The following HACD2 variants were observed in gnomAD, a reference collection of about 807,000 sequenced individuals.
The protein encoded by HACD2 is 3-hydroxyacyl-CoA dehydratase 2.
Under a neutral mutation model 31.0 loss-of-function variants are expected in HACD2, and 15 were observed. The observed-to-expected ratio is 0.48, with a 90% confidence interval of 0.32 to 0.75. The LOEUF (loss-of-function observed/expected upper bound fraction) is 0.75. HACD2 is among the 30% of genes least tolerant of loss of function. HACD2 has a pLI of 0.03. For synonymous variants in HACD2, 115 were observed against 122.2 expected (o/e 0.94, Z 0.39); for missense variants, 283 against 313.0 (o/e 0.90, Z 0.72).
At chr3:123,533,426 G>A (rs954793924) in intron 3 of HACD2, among the ~76,000 whole-genome samples, 47 of 152,372 alleles carry the variant, frequency 3.1e-4, no homozygotes, top group African/African-American at 9.9e-4. Flanking sequence ...TGGGATTACA[G>A]GCATGTGCCT....
At chr3:123,506,992 T>C (rs2055984382) in intron 4 of HACD2, among the ~76,000 whole-genome samples, 1 of 152,202 alleles carries the variant, frequency 6.6e-6, no homozygotes, top group Admixed American at 6.5e-5. Context: ...ACTGAGTGGC[T>C]CTTGCCTATA....
intron 3 of HACD2, among the ~76,000 whole-genome samples, chr3:123,564,869 G>C (rs1051349584): frequency 2.6e-5 from 4 of 152,132 alleles, no homozygotes; most frequent in African/African-American, 4.8e-5. Flanking sequence ...GATATAAGAA[G>C]GATCCTGCCG....
At chr3:123,503,220 G>A (rs907218350) in intron 4 of HACD2, among the ~76,000 whole-genome samples, 2 of 150,972 alleles carry the variant, frequency 1.3e-5, no homozygotes, top group Non-Finnish European at 2.9e-5. Flanking sequence ...AGCCGAGATA[G>A]CGCCACTGCA....
chr3:123,579,868 T>G (rs970369876), intron 2 of HACD2, among the ~76,000 whole-genome samples: 3 of 152,190 alleles, frequency 2.0e-5, no homozygotes, highest in Non-Finnish European at 4.4e-5. Flanking sequence ...TTGTTAAAAT[T>G]TCCTCACACT....
chr3:123,523,075 C>T (rs1356943000), intron 4 of HACD2, among the ~76,000 whole-genome samples: 3 of 152,138 alleles, frequency 2.0e-5, no homozygotes, highest in African/African-American at 7.2e-5. Context: ...AGAAGGCGTG[C>T]GGCCACAGGA....
chr3:123,553,773 G>C (rs985503892), intron 3 of HACD2, among the ~76,000 whole-genome samples: 5 of 152,076 alleles, frequency 3.3e-5, no homozygotes, highest in African/African-American at 1.2e-4. Context: ...GGGTGTTCTG[G>C]CTATTGTTTT....
At position 123,502,715 on chromosome 3, in the gene HACD2, C is replaced by A. The variant is rs370929290; in HGVS notation, c.382-34G>T. The A allele has an allele frequency of 2.4e-5, 38 of 1,567,662 alleles. No homozygotes were observed. The African/African-American group carries it at 3.8e-4, about 16-fold the overall frequency. ...AGAGGAAAACAAAAGAAAAAAAACA[C>A]ACAGACAACGTTAATGAAGACAGTG... is the stretch of plus-strand genomic sequence containing the variant. On this transcript the variant is annotated intron_variant, in intron 4 of 6. Transcript: ENST00000383657.
chr3:123,527,592 G>C lies in HACD2; in HGVS notation c.381+794C>G, dbSNP rs149996597. Among the ~76,000 whole-genome samples, 539 of 152,318 alleles carry C rather than the reference G, an allele frequency of 3.5e-3. 3 individuals are homozygous for C. Among genetic ancestry groups the C allele is most frequent in the African/African-American group, 0.012 (515 of 41,582 alleles). ...ATGCTGGCAATTCAGATATGCCAAA[G>C]AGGAGCCATAAAGAACTTCCTTGAA... On this transcript the variant is annotated intron_variant, in intron 4 of 6. Coordinates refer to ENST00000383657, the MANE Select transcript of HACD2 (RefSeq NM_198402.5).
intron 6 of HACD2, among the ~76,000 whole-genome samples, 166 bp from the exon 7 acceptor site, chr3:123,495,136 G>C (rs2055817128): frequency 6.6e-6 from 1 of 152,174 alleles, no homozygotes; most frequent in Admixed American, 6.5e-5. Context: ...AACACAGAGA[G>C]ACTTACCTCC....
intron 2 of HACD2, among the ~76,000 whole-genome samples, chr3:123,578,028 AC>A (rs992792561): frequency 5.9e-5 from 9 of 152,020 alleles, no homozygotes; most frequent in Admixed American, 1.3e-4. Context: ...TAGCAGTCAC[AC>A]CCCACTCTCT....
chr3:123,580,309 C>G (rs1488446216), intron 2 of HACD2, among the ~76,000 whole-genome samples: 2 of 152,152 alleles, frequency 1.3e-5, no homozygotes. Flanking sequence ...AACCTCACCT[C>G]TACCAAAAAT....
chr3:123,567,378 T>G (rs2056803261), intron 3 of HACD2, among the ~76,000 whole-genome samples: 1 of 152,158 alleles, frequency 6.6e-6, no homozygotes, highest in Non-Finnish European at 1.5e-5. Flanking sequence ...AATACTCCCA[T>G]TTGAAAGATA....
chr3:123,536,602 T>C (rs1378369338), intron 3 of HACD2, among the ~76,000 whole-genome samples: 1 of 152,166 alleles, frequency 6.6e-6, no homozygotes, highest in Non-Finnish European at 1.5e-5. Context: ...AAACTAAATC[T>C]GCACTGAAAG....
At chr3:123,524,697 G>A (rs2056257398) in intron 4 of HACD2, among the ~76,000 whole-genome samples, 1 of 152,118 alleles carries the variant, frequency 6.6e-6, no homozygotes, top group Non-Finnish European at 1.5e-5. Flanking sequence ...GTAGAGATGA[G>A]GTCTCACTAT....
At chr3:123,498,180 C>T (rs2055857271) in intron 6 of HACD2, among the ~76,000 whole-genome samples, 1 of 152,210 alleles carries the variant, frequency 6.6e-6, no homozygotes, top group Non-Finnish European at 1.5e-5. Flanking sequence ...TGTGTGCCAT[C>T]TTGAACCTGG....
chr3:123,567,195 G>A (rs1039978047), intron 3 of HACD2, among the ~76,000 whole-genome samples: 7 of 152,080 alleles, frequency 4.6e-5, no homozygotes, highest in Non-Finnish European at 8.8e-5. Context: ...CAAACTAGAC[G>A]TTATGCCTCT....
chr3:123,516,705 A>G (rs1309488079), intron 4 of HACD2, among the ~76,000 whole-genome samples: 3 of 152,236 alleles, frequency 2.0e-5, no homozygotes, highest in Non-Finnish European at 4.4e-5. Flanking sequence ...ACATGCAATG[A>G]AAAGATATAT....
intron 4 of HACD2, among the ~76,000 whole-genome samples, chr3:123,509,652 C>A (rs189559072): frequency 0.024 from 3,635 of 151,970 alleles, 142 homozygotes; most frequent in African/African-American, 0.076. Flanking sequence ...GTGCCTGCCA[C>A]CATGCCTGGC....
At chr3:123,577,844 C>T (rs954037545) in intron 2 of HACD2, among the ~76,000 whole-genome samples, 16 of 152,278 alleles carry the variant, frequency 1.1e-4, no homozygotes, top group African/African-American at 3.1e-4. Flanking sequence ...AAAACACCCA[C>T]AACTCATTAC....
Sources: allele counts gnomAD v4.1 joint callset (sites outside exome capture counted in the v4.1 genomes callset), GRCh38; gene constraint gnomAD v4.1.1; transcripts MANE v1.5; gene names NCBI Gene and HGNC (gene_info 2026-07-23, HGNC 2026-07-21).